Variants in KLHL1 observed in about 807,000 individuals in gnomAD.
KLHL1 encodes kelch-like protein 1.
In KLHL1, 47 loss-of-function variants were observed where a neutral mutation model predicts 77.7. The ratio of observed to expected loss-of-function variants is 0.60; its 90% CI spans 0.48 to 0.77. The LOEUF is 0.77. KLHL1 is among the 30% of genes least tolerant of loss of function. The pLI is 0.00. For missense variants in KLHL1, 925 were observed against 910.8 expected, an observed-to-expected ratio of 1.02 and a Z score of -0.20; for synonymous variants, 360 against 325.2, an observed-to-expected ratio of 1.11 and a Z score of -1.15.
intron 6 of KLHL1, among the ~76,000 whole-genome samples, chr13:69,801,435 C>T (rs148345171): frequency 2.8e-3 from 432 of 152,266 alleles, no homozygotes; most frequent in African/African-American, 9.3e-3. Flanking sequence ...GTTATATCCA[C>T]ATTGTTTTTT....
chr13:70,018,029 C>T (rs565243809), intron 1 of KLHL1, among the ~76,000 whole-genome samples: 17 of 147,690 alleles, frequency 1.2e-4, no homozygotes, highest in African/African-American at 3.7e-4. Context: ...ATTTTCTCCT[C>T]CAAGATTAAA....
rs143216168 is a variant in KLHL1, at chr13:70,067,124, G to A, written c.497+40079C>T. On this transcript the variant is annotated intron_variant, in intron 1 of 10. Transcript: ENST00000377844. ...TTCAGCTTGACAAACCTGTTATTAC[G>A]TGATCATCCAGTTACTGAACAAGTA... 2.4e-3 allele frequency among the ~76,000 whole-genome samples: 359 copies of A among 152,180 alleles called. 1 individual carries two copies. Among genetic ancestry groups the A allele is most frequent in the African/African-American group, 8.1e-3 (337 of 41,516 alleles).
At chr13:69,866,556 T>C (rs1027973500) in intron 5 of KLHL1, among the ~76,000 whole-genome samples, 1 of 152,090 alleles carries the variant, frequency 6.6e-6, no homozygotes, top group African/African-American at 2.4e-5. Flanking sequence ...TTGGAATAAA[T>C]GTTTTCCAGA....
chr13:70,093,880 A>G (rs529827558), intron 1 of KLHL1, among the ~76,000 whole-genome samples: 19 of 152,310 alleles, frequency 1.2e-4, no homozygotes, highest in Admixed American at 3.3e-4. Context: ...ACACTTTATC[A>G]AGATCATATG....
At position 69,721,785 on chromosome 13, in the gene KLHL1, G is replaced by A. The variant is rs184983443; in HGVS notation, c.1803-2204C>T. ...GATTGCCCAAGTGTTCCCTTGATGC[G>A]TGTAATACCTCTTTGCTTGATTACT... On this transcript the variant is annotated intron_variant, in intron 8 of 10. Transcript: ENST00000377844. Among the ~76,000 whole-genome samples the A allele has an allele frequency of 6.6e-5, 10 of 152,104 alleles. No homozygotes were observed. The East Asian group carries it at 1.6e-3, about 24-fold the overall frequency.
In KLHL1 at chr13:70,091,872, T is replaced by C. The variant is rs1266393003; in HGVS notation, c.497+15331A>G. On this transcript the variant is annotated intron_variant, in intron 1 of 10. Transcript: ENST00000377844. The stretch of plus-strand genomic sequence containing the variant: ...GTTTTCATAGACTTTCATTCTGAAA[T>C]TTTTCACATGGATGTGTAGATAAAT... Among the ~76,000 whole-genome samples, 6 of 152,138 alleles carry C rather than the reference T, an allele frequency of 3.9e-5. No homozygotes were observed. The East Asian group carries it at 1.2e-3, about 29-fold the overall frequency.
chr13:69,841,429 T>C (rs1232503327), intron 5 of KLHL1, among the ~76,000 whole-genome samples: 3 of 148,942 alleles, frequency 2.0e-5, no homozygotes, highest in Admixed American at 6.7e-5. Context: ...AACAATCTAG[T>C]TGAGAAAAAA....
intron 6 of KLHL1, among the ~76,000 whole-genome samples, chr13:69,816,555 G>T (rs1452497574): frequency 6.6e-6 from 1 of 151,938 alleles, no homozygotes; most frequent in African/African-American, 2.4e-5. Context: ...ACCGTGCCTG[G>T]CCTGGAAGTT....
intron 7 of KLHL1, among the ~76,000 whole-genome samples, chr13:69,750,658 C>T (rs1341267843): frequency 6.6e-6 from 1 of 151,850 alleles, no homozygotes; most frequent in Non-Finnish European, 1.5e-5. Flanking sequence ...CAGATTGACT[C>T]ATATACTATT....
chr13:69,830,863 GAAGTC>G (rs1262156800), intron 6 of KLHL1, among the ~76,000 whole-genome samples: 1 of 149,994 alleles, frequency 6.7e-6, no homozygotes, highest in Non-Finnish European at 1.5e-5. Context: ...GGTCAACAGT[GAAGTC>G]AAGATAGAAA....
chr13:69,919,132 T>C (rs1882544200), intron 4 of KLHL1, among the ~76,000 whole-genome samples: 1 of 152,012 alleles, frequency 6.6e-6, no homozygotes, highest in African/African-American at 2.4e-5. Flanking sequence ...GCAACAATCT[T>C]GAGAGTTGGC....
intron 1 of KLHL1, among the ~76,000 whole-genome samples, chr13:70,069,934 C>T (rs960128499): frequency 2.0e-5 from 3 of 151,760 alleles, no homozygotes; most frequent in Non-Finnish European, 2.9e-5. Context: ...TTTGGGAGGC[C>T]GAGGCAGGCA....
intron 5 of KLHL1, among the ~76,000 whole-genome samples, chr13:69,866,987 T>C (rs1321990948): frequency 6.6e-6 from 1 of 152,102 alleles, no homozygotes; most frequent in Non-Finnish European, 1.5e-5. Flanking sequence ...GTTTAATCTG[T>C]CTAAATATTG....
At chr13:69,975,293 A>G (rs1389050979) in intron 2 of KLHL1, among the ~76,000 whole-genome samples, 1 of 152,064 alleles carries the variant, frequency 6.6e-6, no homozygotes, top group Non-Finnish European at 1.5e-5. Context: ...GCCTAAAATT[A>G]GTATGACTGT....
intron 1 of KLHL1, among the ~76,000 whole-genome samples, chr13:70,028,523 G>A (rs557694612): frequency 6.6e-6 from 1 of 152,168 alleles, no homozygotes; most frequent in East Asian, 1.9e-4. Context: ...CAGGCAAAAA[G>A]CAGTCTAGGA....
intron 1 of KLHL1, among the ~76,000 whole-genome samples, chr13:70,054,822 CA>C (rs1370702317): frequency 2.5e-4 from 2 of 8,042 alleles, no homozygotes; most frequent in Non-Finnish European, 7.4e-4. Context: ...ATTGATCAAG[CA>C]TTAAGAGAGA....
intron 4 of KLHL1, among the ~76,000 whole-genome samples, chr13:69,933,577 T>C (rs1021917348): frequency 1.3e-5 from 2 of 152,120 alleles, no homozygotes; most frequent in African/African-American, 2.4e-5. Context: ...GTGAAGGATG[T>C]ATAGCATGTT....
rs149388180 is a variant in KLHL1, at chr13:69,824,840, T to C, written c.1414+14136A>G. Reference sequence around the variant, plus strand: ...GTTTAGTGTTTGGGTTACATACCTGTATGCATTGTGAAAACTCACTTAAAG... The same window carrying C: ...GTTTAGTGTTTGGGTTACATACCTGCATGCATTGTGAAAACTCACTTAAAG... On this transcript the variant is annotated intron_variant, in intron 6 of 10. Coordinates refer to ENST00000377844, the MANE Select transcript of KLHL1 (RefSeq NM_020866.3). Among the ~76,000 whole-genome samples the C allele has an allele frequency of 7.4e-3, 1,131 of 152,228 alleles. 9 individuals carry two copies. The highest frequency in any genetic ancestry group is 0.025 in the African/African-American group (1,059 of 41,570).
intron 6 of KLHL1, among the ~76,000 whole-genome samples, chr13:69,818,962 C>T (rs1201308167): frequency 6.6e-6 from 1 of 152,168 alleles, no homozygotes; most frequent in Non-Finnish European, 1.5e-5. Context: ...AACCTAATTG[C>T]AAACGGTCAG....
Sources: gnomAD v4.1 joint callset for allele counts (sites outside exome capture counted in the v4.1 genomes callset) on GRCh38, gnomAD v4.1.1 for gene constraint, MANE v1.5 for transcripts, NCBI Gene and HGNC (gene_info 2026-07-23, HGNC 2026-07-21) for gene names.